YIPF4: variants seen among roughly 807,000 people sequenced by gnomAD.
YIPF4 encodes the protein Yip1 domain family member 4.
A neutral mutation model predicts 29.4 loss-of-function variants in YIPF4; 18 were observed. The observed-to-expected ratio is 0.61, with a 90% CI of 0.42 to 0.91. The LOEUF (loss-of-function observed/expected upper bound fraction) is 0.91. YIPF4 is among the 40% of genes least tolerant of loss of function. YIPF4 has a pLI of 0.00. For missense variants in YIPF4, 279 were observed against 282.7 expected, an observed-to-expected ratio of 0.99 and a Z score of 0.09; for synonymous variants, 115 against 104.7, an observed-to-expected ratio of 1.10 and a Z score of -0.60.
At chr2:32,300,033 G>C (rs1000361005) in intron 4 of YIPF4, among the ~76,000 whole-genome samples, 1 of 152,156 alleles carries the variant, frequency 6.6e-6, no homozygotes, top group African/African-American at 2.4e-5. Flanking sequence ...TTGGGAGGCC[G>C]GGGCGGGTGG....
chr2:32,298,425 T>A, intron 4 of YIPF4, 114 bp downstream of exon 4: 1 of 711,466 alleles, frequency 1.4e-6, no homozygotes, highest in South Asian at 1.9e-5. Context: ...AATTGCTTTA[T>A]GCTAGTTCCT....
At position 32,278,104 on chromosome 2, in the gene YIPF4, C is replaced by A; in HGVS notation, c.-52C>A. ...GTCGCCGCCGCGGCCGCCTCGGGGTCTGGGCCCAGCCGCAGCCTCTTCTAC... is the reference window on the plus strand; with the variant it reads ...GTCGCCGCCGCGGCCGCCTCGGGGTATGGGCCCAGCCGCAGCCTCTTCTAC... On this transcript the variant is annotated 5_prime_UTR_variant, in exon 1 of 6. In the 5' UTR this introduces an upstream ATG that the reference lacks. Transcript: ENST00000238831. 2 of 1,510,342 alleles carry A rather than the reference C, an allele frequency of 1.3e-6. No individual in the cohort carries two copies. Among genetic ancestry groups the A allele is most frequent in the Non-Finnish European group, 1.8e-6 (2 of 1,121,480 alleles). The allele number at this position is 1,510,342 out of a possible 1,614,324, so 93.6% of individuals were successfully genotyped here. A position where few individuals can be genotyped will look rare whatever the true frequency, so the allele number is the denominator to read the frequency against.
In YIPF4 at chr2:32,312,443, G is replaced by A. The variant is rs982137503; in HGVS notation, c.*6817G>A. On this transcript the variant is annotated 3_prime_UTR_variant, in exon 6 of 6. Transcript: ENST00000238831. Reference sequence around the variant, plus strand: ...GCGGAGGTTGCAGTGAGCCGAGATCGCGCCACTGCACTCCAGCCTGGGCGA... The same window carrying A: ...GCGGAGGTTGCAGTGAGCCGAGATCACGCCACTGCACTCCAGCCTGGGCGA... 5.5e-4 allele frequency: 66 copies of A among 120,222 alleles called. No individual in the cohort carries two copies. Among genetic ancestry groups the A allele is most frequent in the African/African-American group, 2.1e-3 (65 of 30,720 alleles). 7.4% of individuals were successfully genotyped at this position (120,222 alleles called of 1,614,324 possible). A position where few individuals can be genotyped will look rare whatever the true frequency, so the allele number is the denominator to read the frequency against.
At chr2:32,280,567 AGAGACGGG>A (rs1296950534) in intron 1 of YIPF4, among the ~76,000 whole-genome samples, 5 of 151,730 alleles carry the variant, frequency 3.3e-5, no homozygotes, top group African/African-American at 4.8e-5. Context: ...TATTTTTAGT[AGAGACGGG>A]GTTTCACTGT....
At chr2:32,280,855 A>G (rs765186160) in intron 1 of YIPF4, among the ~76,000 whole-genome samples, 4 of 152,188 alleles carry the variant, frequency 2.6e-5, no homozygotes, top group Non-Finnish European at 5.9e-5. Flanking sequence ...ATTTGGTAGC[A>G]TGGTGCTTAG....
intron 4 of YIPF4, among the ~76,000 whole-genome samples, chr2:32,300,384 A>G (rs1009747151): frequency 1.3e-5 from 2 of 150,568 alleles, no homozygotes; most frequent in Admixed American, 1.3e-4. Flanking sequence ...CGGTGAGCCG[A>G]GATCGCGCCA....
chr2:32,296,817 T>C (rs1209800226), intron 3 of YIPF4, among the ~76,000 whole-genome samples: 1 of 152,248 alleles, frequency 6.6e-6, no homozygotes, highest in East Asian at 1.9e-4. Flanking sequence ...CATCTAACTT[T>C]AGCCTACTAA....
At chr2:32,287,518 CTCT>C (rs952150127) in intron 1 of YIPF4, among the ~76,000 whole-genome samples, 3 of 152,168 alleles carry the variant, frequency 2.0e-5, no homozygotes, top group Non-Finnish European at 4.4e-5. Flanking sequence ...TTGCAGGATA[CTCT>C]TCTTTCACAG....
At chr2:32,294,077 C>T (rs1421424239) in intron 3 of YIPF4, among the ~76,000 whole-genome samples, 75 of 147,674 alleles carry the variant, frequency 5.1e-4, no homozygotes, top group African/African-American at 1.5e-3. Context: ...TGGGCAGAGG[C>T]GCCCCTCACC....
At position 32,300,262 on chromosome 2, in the gene YIPF4, G is replaced by A. The variant is rs185974542; in HGVS notation, c.484-1120G>A. Among the ~76,000 whole-genome samples the A allele has an allele frequency of 3.0e-3, 445 of 148,070 alleles. 2 individuals carry two copies. Among genetic ancestry groups the A allele is most frequent in the African/African-American group, 0.01 (414 of 40,148 alleles). Reference sequence around the variant, plus strand: ...GCCTGGGCAACAAGAGCGAAACTCCGTCTCAAAAAAAAGATAAAAAAATTA... The same window carrying A: ...GCCTGGGCAACAAGAGCGAAACTCCATCTCAAAAAAAAGATAAAAAAATTA... On this transcript the variant is annotated intron_variant, in intron 4 of 5. Coordinates refer to ENST00000238831, the MANE Select transcript of YIPF4 (RefSeq NM_032312.4).
rs1013220154 is a variant in YIPF4 at position 32,288,523 on chromosome 2, T to C, written c.80-1960T>C. On this transcript the variant is annotated intron_variant, in intron 1 of 5. Coordinates refer to ENST00000238831, the MANE Select transcript of YIPF4 (RefSeq NM_032312.4). ...TCTTCTTCTTGTTAAGAAAAAACAC[T>C]CTTGGCCTGGCGCGGTGGCTCACAC... 3.5e-4 allele frequency among the ~76,000 whole-genome samples: 54 copies of C among 152,152 alleles called. 1 individual carries two copies. The highest frequency in any genetic ancestry group is 1.3e-3 in the African/African-American group (52 of 41,450).
At chr2:32,281,465 C>T (rs750336514) in intron 1 of YIPF4, among the ~76,000 whole-genome samples, 1 of 152,106 alleles carries the variant, frequency 6.6e-6, no homozygotes, top group Non-Finnish European at 1.5e-5. Flanking sequence ...TGGTCTTGAA[C>T]TCCTGGGCTC....
In YIPF4 at chr2:32,308,016, CTAA is replaced by C. The variant is rs2031633480; in HGVS notation, c.*2395_*2397del. 1 of 150,934 alleles carries C rather than the reference CTAA, an allele frequency of 6.6e-6. No individual in the cohort carries two copies. The highest frequency in any genetic ancestry group is 6.6e-5 in the Admixed American group (1 of 15,136). 9.3% of individuals were successfully genotyped at this position (150,934 alleles called of 1,614,324 possible). A position where few individuals can be genotyped will look rare whatever the true frequency, so the allele number is the denominator to read the frequency against. ...TATGGCTAATAATGGTAAGATGACCCTAATAATGTCCTCTCCTTGAATTTTTAT... is the reference window on the plus strand; with the variant it reads ...TATGGCTAATAATGGTAAGATGACCCTAATGTCCTCTCCTTGAATTTTTAT... On this transcript the variant is annotated 3_prime_UTR_variant, in exon 6 of 6. Transcript: ENST00000238831.
chr2:32,298,510 G>A (rs796436446), intron 4 of YIPF4, among the ~76,000 whole-genome samples, 199 bp downstream of exon 4: 5 of 151,930 alleles, frequency 3.3e-5, no homozygotes, highest in South Asian at 2.1e-4. Context: ...AAAATATCCC[G>A]TCCCATTTAT....
chr2:32,292,108 T>C, intron 2 of YIPF4, 69 bp from the exon 3 acceptor site: 1 of 979,692 alleles, frequency 1.0e-6, no homozygotes, highest in Non-Finnish European at 1.4e-6. Context: ...GTTTTCTTAA[T>C]TTTTTTTTGG....
Position 32,308,781 on chromosome 2 carries a change from C to G in YIPF4, c.*3155C>G, listed in dbSNP as rs572540716. ...GAACTGGGCCGGGCGCGGTGGCTCACGCCTGTAATCCCAGCACTTTGGGAG... is the reference window on the plus strand; with the variant it reads ...GAACTGGGCCGGGCGCGGTGGCTCAGGCCTGTAATCCCAGCACTTTGGGAG... On this transcript the variant is annotated 3_prime_UTR_variant, in exon 6 of 6. Transcript: ENST00000238831. The G allele has an allele frequency of 6.6e-6, 1 of 152,448 alleles. No individual in the cohort carries two copies. Among genetic ancestry groups the G allele is most frequent in the Admixed American group, 6.6e-5 (1 of 15,252 alleles). The allele number at this position is 152,448 out of a possible 1,614,324, so 9.4% of individuals were successfully genotyped here. A position where few individuals can be genotyped will look rare whatever the true frequency, so the allele number is the denominator to read the frequency against.
In YIPF4 at chr2:32,316,126, A is replaced by G. The variant is rs1481643264; in HGVS notation, c.*10500A>G. ...AAGACCTGTCATTTAAAATGATTCTACAGGAAAAAGATGAACTACAAATTG... is the reference window on the plus strand; with the variant it reads ...AAGACCTGTCATTTAAAATGATTCTGCAGGAAAAAGATGAACTACAAATTG... On this transcript the variant is annotated 3_prime_UTR_variant, in exon 6 of 6. Transcript: ENST00000238831. 2 of 152,064 alleles carry G rather than the reference A, an allele frequency of 1.3e-5. No homozygotes were observed. The highest frequency in any genetic ancestry group is 2.9e-5 in the Non-Finnish European group (2 of 68,018). 9.4% of individuals were successfully genotyped at this position (152,064 alleles called of 1,614,324 possible). A position where few individuals can be genotyped will look rare whatever the true frequency, so the allele number is the denominator to read the frequency against.
rs1297294421 is a variant in YIPF4 at position 32,310,804 on chromosome 2, A to C, written c.*5178A>C. 2 of 152,064 alleles carry C rather than the reference A, an allele frequency of 1.3e-5. No individual in the cohort carries two copies. Among genetic ancestry groups the C allele is most frequent in the Non-Finnish European group, 2.9e-5 (2 of 68,034 alleles). The allele number at this position is 152,064 out of a possible 1,614,324, so 9.4% of individuals were successfully genotyped here. A position where few individuals can be genotyped will look rare whatever the true frequency, so the allele number is the denominator to read the frequency against. The stretch of plus-strand genomic sequence containing the variant: ...GGCAGGAGAATTGCTTGAGCCTGGG[A>C]GGTTGAGGCTGCAGTGAGCCGCGAT... On this transcript the variant is annotated 3_prime_UTR_variant, in exon 6 of 6. Coordinates refer to ENST00000238831, the MANE Select transcript of YIPF4 (RefSeq NM_032312.4).
chr2:32,296,440 C>T (rs1477246862), intron 3 of YIPF4, among the ~76,000 whole-genome samples: 1 of 150,572 alleles, frequency 6.6e-6, no homozygotes, highest in African/African-American at 2.4e-5. Context: ...CACTGCACTC[C>T]AGCCTGGGTG....
Sources: gnomAD v4.1 joint callset for allele counts (sites outside exome capture counted in the v4.1 genomes callset) on GRCh38, gnomAD v4.1.1 for gene constraint, MANE v1.5 for transcripts, NCBI Gene and HGNC (gene_info 2026-07-23, HGNC 2026-07-21) for gene names.